The following SYT17 variants were observed in gnomAD, a reference collection of about 807,000 sequenced individuals.
SYT17 encodes synaptotagmin-17.
Under a neutral mutation model 46.7 loss-of-function variants are expected in SYT17, and 22 were observed. The ratio of observed to expected loss-of-function variants is 0.47; its 90% CI spans 0.34 to 0.67. SYT17 has a LOEUF of 0.67. Among genes scored for constraint, SYT17 ranks in the 30% least tolerant of loss-of-function variants. SYT17 has a pLI of 0.01. For synonymous variants in SYT17, 251 were observed against 248.4 expected (o/e 1.01, Z -0.10); for missense variants, 519 against 612.8 (o/e 0.85, Z 1.62).
At chr16:19,211,507 G>A (rs1271344891) in intron 5 of SYT17, 2 of 703,388 alleles carry the variant, frequency 2.8e-6, no homozygotes, top group Non-Finnish European at 5.2e-6. Flanking sequence ...GGAAATGATG[G>A]AGGCAGAGGG....
intron 7 of SYT17, among the ~76,000 whole-genome samples, chr16:19,261,759 T>C (rs1220228982): frequency 6.6e-6 from 1 of 152,248 alleles, no homozygotes; most frequent in Non-Finnish European, 1.5e-5. Context: ...TACTGTTTTG[T>C]AATGTGCTTT....
At chr16:19,249,456 G>T (rs1967869874) in intron 7 of SYT17, among the ~76,000 whole-genome samples, 1 of 152,116 alleles carries the variant, frequency 6.6e-6, no homozygotes, top group South Asian at 2.1e-4. Flanking sequence ...TATCTATGGT[G>T]GTACTTACAC....
intron 7 of SYT17, among the ~76,000 whole-genome samples, chr16:19,227,324 C>CTT (rs33936912): frequency 0.35 from 50,416 of 142,816 alleles, 9,997 homozygotes; most frequent in East Asian, 0.72. Context: ...CTTCTCCCCG[C>CTT]TTTTTTTTTT....
intron 7 of SYT17, among the ~76,000 whole-genome samples, chr16:19,240,207 GC>G: frequency 6.6e-6 from 1 of 152,304 alleles, no homozygotes. Context: ...TTGTGTTACA[GC>G]TCTTTTAGCC....
chr16:19,221,549 G>A (rs369054499), intron 5 of SYT17, among the ~76,000 whole-genome samples: 77 of 152,274 alleles, frequency 5.1e-4, no homozygotes, highest in Middle Eastern at 3.4e-3. Context: ...GTTAACATGC[G>A]AGATTGTTTC....
chr16:19,217,641 T>C (rs1966146573), intron 5 of SYT17, among the ~76,000 whole-genome samples: 1 of 152,216 alleles, frequency 6.6e-6, no homozygotes, highest in Non-Finnish European at 1.5e-5. Flanking sequence ...CTATTGTGAA[T>C]AGTGCTGCTA....
At chr16:19,233,485 TAA>T (rs34656222) in intron 7 of SYT17, among the ~76,000 whole-genome samples, 2 of 142,376 alleles carry the variant, frequency 1.4e-5, no homozygotes, top group African/African-American at 5.1e-5. Context: ...ATCCCATTTC[TAA>T]AAAAAAAAAA....
At chr16:19,248,270 T>G (rs1967732963) in intron 7 of SYT17, among the ~76,000 whole-genome samples, 1 of 152,224 alleles carries the variant, frequency 6.6e-6, no homozygotes, top group Non-Finnish European at 1.5e-5. Flanking sequence ...GCATTTCTGG[T>G]GGGAATGCAA....
rs376316031 is a variant in SYT17 at position 19,222,257 on chromosome 16, AG to A, written c.952-787del. 4.6e-5 allele frequency among the ~76,000 whole-genome samples: 7 copies of A among 152,206 alleles called. No individual in the cohort carries two copies. In the East Asian group the frequency reaches 1.2e-3, roughly 25 times the overall value. On this transcript the variant is annotated intron_variant, in intron 5 of 7. Transcript: ENST00000355377. ...CGGATAGATGGAGATTTGTTATGCT[AG>A]TCTATTGTTTTGTATATGGCTGAAA...
intron 1 of SYT17, among the ~76,000 whole-genome samples, chr16:19,169,053 C>T (rs1172314686): frequency 6.6e-6 from 1 of 151,840 alleles, no homozygotes. Context: ...GCCGTGGTGA[C>T]GGCTCCGGCT....
intron 5 of SYT17, chr16:19,211,542 G>C: frequency 1.4e-6 from 1 of 696,664 alleles, no homozygotes; most frequent in South Asian, 1.5e-5. Flanking sequence ...GTGTTAATGG[G>C]AAGCTTAGAT....
rs749481933 is a variant in SYT17, at chr16:19,259,538, T to C, written c.1229-7342T>C. On this transcript the variant is annotated intron_variant, in intron 7 of 7. Coordinates refer to ENST00000355377, the MANE Select transcript of SYT17 (RefSeq NM_016524.4). ...TCTGTCTGGTACTCACAATCCACTA[T>C]ATTAAGTTACTCCAGATGGGAAAAC... 7.2e-5 allele frequency among the ~76,000 whole-genome samples: 11 copies of C among 152,344 alleles called. No individual in the cohort carries two copies. In the Middle Eastern group the frequency reaches 0.01, roughly 141 times the overall value.
rs200626134 is a variant in SYT17, at chr16:19,173,476, G to T, written c.80G>T (p.Cys27Phe). Residue 27 changes from cysteine (C) to phenylalanine (F), a missense_variant, in exon 3 of 8, where the codon TGC becomes TTC. Cys to Phe is a radical substitution (Grantham distance 205). Coordinates refer to ENST00000355377, the MANE Select transcript of SYT17 (RefSeq NM_016524.4). ...GGTCTGCTGCTGTGCAGATGGACCT[G>T]CCGGCACTGCTGTCAGAAGTGCTAC... ...ISGLLLCRWT[C>F]RHCCQKCYES... 1.9e-6 allele frequency: 3 copies of T among 1,603,214 alleles called. No individual in the cohort carries two copies. Among genetic ancestry groups the T allele is most frequent in the Non-Finnish European group, 2.6e-6 (3 of 1,175,596 alleles).
At chr16:19,205,197 A>G (rs1965618150) in intron 5 of SYT17, among the ~76,000 whole-genome samples, 1 of 152,178 alleles carries the variant, frequency 6.6e-6, no homozygotes, top group Non-Finnish European at 1.5e-5. Context: ...CTCATTCAAC[A>G]TAAAATCTAA....
intron 7 of SYT17, among the ~76,000 whole-genome samples, chr16:19,238,671 A>G (rs1335772495): frequency 6.6e-6 from 1 of 152,234 alleles, no homozygotes; most frequent in Non-Finnish European, 1.5e-5. Context: ...ACCTTGTTCC[A>G]GGCAGATCCC....
At position 19,219,372 on chromosome 16, in the gene SYT17, G is replaced by A. The variant is rs1394877260; in HGVS notation, c.952-3673G>A. Among the ~76,000 whole-genome samples, 2 of 6,152 alleles carry A rather than the reference G, an allele frequency of 3.3e-4. 1 individual carries two copies. Among genetic ancestry groups the A allele is most frequent in the Non-Finnish European group, 4.6e-4 (2 of 4,388 alleles). The allele number at this position is 6,152 out of a possible 152,430, so 4.0% of individuals were successfully genotyped here. ...AGCCGAGATTGCGCCACTGCAGTCC[G>A]CAGTCCGGCCTGGGCGACAGAGCGA... On this transcript the variant is annotated intron_variant, in intron 5 of 7. Transcript: ENST00000355377.
intron 5 of SYT17, among the ~76,000 whole-genome samples, chr16:19,220,303 C>CTTTCTTTT (rs776097400): frequency 1.2e-4 from 10 of 80,496 alleles, no homozygotes; most frequent in South Asian, 5.5e-4. Flanking sequence ...TTCTTTCTTT[C>CTTTCTTTT]TTTTTTTTTT....
intron 5 of SYT17, among the ~76,000 whole-genome samples, chr16:19,218,725 G>T (rs946793961): frequency 2.0e-5 from 3 of 152,192 alleles, no homozygotes; most frequent in African/African-American, 4.8e-5. Flanking sequence ...TGTGAAGACT[G>T]CCAGGATTGG....
At position 19,244,887 on chromosome 16, in the gene SYT17, C is replaced by T. The variant is rs1054007221; in HGVS notation, c.1228+20049C>T. Among the ~76,000 whole-genome samples the T allele has an allele frequency of 2.0e-5, 3 of 152,304 alleles. No individual in the cohort carries two copies. The South Asian group carries it at 6.2e-4, about 32-fold the overall frequency. On this transcript the variant is annotated intron_variant, in intron 7 of 7. Transcript: ENST00000355377. ...TCCAATTCTATTCATATTCTACTGGCTGAAACTCTGAAGGAGAGGCTGGGA... is the reference window on the plus strand; with the variant it reads ...TCCAATTCTATTCATATTCTACTGGTTGAAACTCTGAAGGAGAGGCTGGGA...
Sources: gnomAD v4.1 joint callset for allele counts (sites outside exome capture counted in the v4.1 genomes callset) on GRCh38, gnomAD v4.1.1 for gene constraint, MANE v1.5 for transcripts, NCBI Gene and HGNC (gene_info 2026-07-23, HGNC 2026-07-21) for gene names.